Variants in CNMD observed in about 807,000 individuals in gnomAD.
CNMD encodes the protein leukocyte cell-derived chemotaxin 1.
In CNMD, 30 loss-of-function variants were observed where a neutral mutation model predicts 37.5. The ratio of observed to expected loss-of-function variants is 0.80; its 90% CI spans 0.60 to 1.09. CNMD has a LOEUF of 1.09. Among genes scored for constraint, CNMD ranks in the 50% least tolerant of loss-of-function variants. CNMD has a pLI of 0.00. For synonymous variants in CNMD, 167 were observed against 148.2 expected (o/e 1.13, Z -0.92); for missense variants, 398 against 423.9 (o/e 0.94, Z 0.54).
intron 6 of CNMD, among the ~76,000 whole-genome samples, 197 bp downstream of exon 6, chr13:52,708,339 G>A (rs1964227295): frequency 6.6e-6 from 1 of 151,966 alleles, no homozygotes; most frequent in African/African-American, 2.4e-5. Context: ...GTGCCACCAT[G>A]CCTGGCTAAT....
chr13:52,738,014 G>A (rs1964801764), intron 2 of CNMD, among the ~76,000 whole-genome samples: 1 of 152,210 alleles, frequency 6.6e-6, no homozygotes, highest in Admixed American at 6.5e-5. Flanking sequence ...CAGAAGACGT[G>A]ATGTGTAAAA....
intron 6 of CNMD, among the ~76,000 whole-genome samples, chr13:52,704,954 G>T (rs1032181838): frequency 2.0e-5 from 3 of 152,230 alleles, no homozygotes; most frequent in East Asian, 3.9e-4. Flanking sequence ...AGCTACTCAG[G>T]AGGCTGAGGC....
intron 6 of CNMD, among the ~76,000 whole-genome samples, chr13:52,708,213 G>A (rs752896492): frequency 3.3e-5 from 5 of 150,318 alleles, no homozygotes; most frequent in South Asian, 2.1e-4. Flanking sequence ...ACGGAGTCTC[G>A]CCCTGTCACC....
At chr13:52,716,562 G>A (rs772074509) in intron 4 of CNMD, among the ~76,000 whole-genome samples, 25 of 151,954 alleles carry the variant, frequency 1.6e-4, no homozygotes, top group Non-Finnish European at 2.6e-4. Flanking sequence ...AGTTTTCTAC[G>A]TATGGCTAGC....
At chr13:52,732,981 CT>C (rs1183095664) in intron 3 of CNMD, 6 of 529,538 alleles carry the variant, frequency 1.1e-5, no homozygotes, top group Non-Finnish European at 2.0e-5. Context: ...AAAGGTGGTT[CT>C]TTTTGTTTTT....
intron 4 of CNMD, among the ~76,000 whole-genome samples, chr13:52,720,006 T>C (rs904798292): frequency 3.3e-5 from 5 of 152,232 alleles, no homozygotes; most frequent in African/African-American, 1.2e-4. Flanking sequence ...CCCATATTTC[T>C]TGGAGGCTTT....
intron 2 of CNMD, among the ~76,000 whole-genome samples, chr13:52,735,560 A>G (rs1348533153): frequency 1.3e-5 from 2 of 151,932 alleles, no homozygotes; most frequent in African/African-American, 2.4e-5. Context: ...AAGCCTCCCT[A>G]ACTAGGTGCA....
chr13:52,713,758 C>T (rs1964327476), intron 4 of CNMD, among the ~76,000 whole-genome samples: 1 of 152,132 alleles, frequency 6.6e-6, no homozygotes, highest in Non-Finnish European at 1.5e-5. Context: ...TTATACAAAA[C>T]TGATGAAAAA....
intron 5 of CNMD, among the ~76,000 whole-genome samples, chr13:52,709,329 C>T (rs1964253222): frequency 1.3e-5 from 2 of 152,218 alleles, no homozygotes; most frequent in Admixed American, 6.5e-5. Context: ...CAAAAACCTC[C>T]TCTCTCTAGA....
In CNMD at chr13:52,708,584, G is replaced by A. The variant is rs1964235839; in HGVS notation, c.741C>T (p.Pro247=). The A allele has an allele frequency of 6.2e-7, 1 of 1,614,010 alleles. No homozygotes were observed. Among genetic ancestry groups the A allele is most frequent in the Non-Finnish European group, 8.5e-7 (1 of 1,179,952 alleles). Residue 247 remains proline, a synonymous_variant, in exon 6 of 7, where the codon CCC becomes CCT. Transcript: ENST00000377962. ...AGGCTTGTGAGTCCTCTTGAACACT[G>A]GGTCTGGTTTCATTATTCAGTCTTC... ...GAGRLNNETR[P]SVQEDSQAFN...
In CNMD at chr13:52,708,565, G is replaced by A. The variant is rs1342607666; in HGVS notation, c.760C>T (p.Gln254Ter). The A allele has an allele frequency of 6.2e-7, 1 of 1,613,348 alleles. No individual in the cohort carries two copies. The highest frequency in any genetic ancestry group is 1.7e-5 in the Admixed American group (1 of 59,800). ...TAAGGATTATCAGGATTGAAGGCTT[G>A]TGAGTCCTCTTGAACACTGGGTCTG... ...ETRPSVQEDS[Q>*]AFNPDNPYHQ... Residue 254 changes from glutamine to a stop codon, truncating the protein, a stop_gained, in exon 6 of 7, where the codon CAA becomes TAA. Transcript: ENST00000377962. LOFTEE classifies it high-confidence loss of function.
At position 52,708,680 on chromosome 13, in the gene CNMD, TTC is replaced by T. The variant is rs1191151958; in HGVS notation, c.643_644del (p.Glu215SerfsTer28). Reference sequence around the variant, plus strand: ...TAGTTGGAACAATTTTTCTTACCACTTCTCTTCTTTCCCTCTGGATTTCTGCA... The same window carrying T: ...TAGTTGGAACAATTTTTCTTACCACTTCTTCTTTCCCTCTGGATTTCTGCA... ...YPKEIQRERR[E>X]VVRKIVPTTT... On this transcript the variant is annotated frameshift_variant, in exon 6 of 7. Coordinates refer to ENST00000377962, the MANE Select transcript of CNMD (RefSeq NM_007015.3). LOFTEE classifies it high-confidence loss of function. 6 of 1,606,038 alleles carry T rather than the reference TTC, an allele frequency of 3.7e-6. No individual in the cohort carries two copies. The highest frequency in any genetic ancestry group is 5.1e-6 in the Non-Finnish European group (6 of 1,178,120).
intron 5 of CNMD, among the ~76,000 whole-genome samples, chr13:52,709,830 G>A (rs1011623595): frequency 3.3e-5 from 5 of 152,046 alleles, no homozygotes; most frequent in African/African-American, 7.2e-5. Context: ...ATAATTAGCC[G>A]GGCGTGGTGG....
chr13:52,707,526 C>G (rs1335302414), intron 6 of CNMD, among the ~76,000 whole-genome samples: 1 of 152,120 alleles, frequency 6.6e-6, no homozygotes, highest in African/African-American at 2.4e-5. Context: ...CAGTCTCCTG[C>G]CTGTGCACAG....
chr13:52,704,680 T>C (rs1446364154), intron 6 of CNMD, among the ~76,000 whole-genome samples: 1 of 152,186 alleles, frequency 6.6e-6, no homozygotes, highest in Non-Finnish European at 1.5e-5. Context: ...CTTGATTCAA[T>C]TTAAGATTCT....
In CNMD at chr13:52,705,018, A is replaced by G. The variant is rs540083754; in HGVS notation, c.790-1208T>C. On this transcript the variant is annotated intron_variant, in intron 6 of 6. Transcript: ENST00000377962. ...GGTTGCAGTGAGCTGAGATTGTGCC[A>G]TTGCACTCCCGCCTGGGTAACAAGA... Among the ~76,000 whole-genome samples, 11 of 151,822 alleles carry G rather than the reference A, an allele frequency of 7.2e-5. No individual in the cohort carries two copies. In the East Asian group the frequency reaches 1.8e-3, roughly 24 times the overall value.
intron 5 of CNMD, among the ~76,000 whole-genome samples, chr13:52,708,974 C>T (rs1320683324): frequency 2.0e-5 from 3 of 152,134 alleles, no homozygotes; most frequent in African/African-American, 7.2e-5. Flanking sequence ...CACCTCCCCC[C>T]TTTCTTTTGG....
intron 3 of CNMD, among the ~76,000 whole-genome samples, chr13:52,729,091 A>G (rs1169450522): frequency 6.6e-6 from 1 of 152,204 alleles, no homozygotes; most frequent in East Asian, 1.9e-4. Context: ...CAGTGATGTA[A>G]TCTTACCTTG....
At position 52,704,878 on chromosome 13, in the gene CNMD, A is replaced by C. The variant is rs554990356; in HGVS notation, c.790-1068T>G. Among the ~76,000 whole-genome samples the C allele has an allele frequency of 4.1e-5, 6 of 146,678 alleles. No homozygotes were observed. In the East Asian group the frequency reaches 1.2e-3, roughly 30 times the overall value. On this transcript the variant is annotated intron_variant, in intron 6 of 6. Transcript: ENST00000377962. ...GGAGTTTGAGACCAGCCTGGCCAAC[A>C]TGGTGAAACCAACCCCATCTCTACT...
Sources: gnomAD v4.1 joint callset for allele counts (sites outside exome capture counted in the v4.1 genomes callset) on GRCh38, gnomAD v4.1.1 for gene constraint, MANE v1.5 for transcripts, NCBI Gene and HGNC (gene_info 2026-07-23, HGNC 2026-07-21) for gene names.